GRIN3A: variants seen among roughly 807,000 people sequenced by gnomAD.
The protein encoded by GRIN3A is glutamate ionotropic receptor NMDA type subunit 3A, also known as glutamate receptor ionotropic, NMDA 3A.
GRIN3A carries 47 observed loss-of-function variants against 92.4 expected under a neutral mutation model. The ratio of observed to expected loss-of-function variants is 0.51; its 90% CI spans 0.40 to 0.65. GRIN3A has a LOEUF of 0.65. Among genes scored for constraint, GRIN3A ranks in the 30% least tolerant of loss-of-function variants. The probability of loss-of-function intolerance (pLI) is 0.00; values close to 1 mark genes in which losing one functional copy is unlikely to be tolerated. For synonymous variants in GRIN3A, 527 were observed against 540.6 expected (o/e 0.97, Z 0.35); for missense variants, 1,324 against 1,393.1 (o/e 0.95, Z 0.79).
chr9:101,635,895 G>T (rs971761517), intron 3 of GRIN3A, among the ~76,000 whole-genome samples: 2 of 152,106 alleles, frequency 1.3e-5, no homozygotes, highest in African/African-American at 4.8e-5. Flanking sequence ...TTATTTGTTT[G>T]TTTATTTATT....
chr9:101,716,609 T>G (rs1467464184), intron 1 of GRIN3A, among the ~76,000 whole-genome samples: 1 of 152,226 alleles, frequency 6.6e-6, no homozygotes, highest in Non-Finnish European at 1.5e-5. Context: ...ATATACTTAT[T>G]CTAGCTCTTT....
At chr9:101,595,142 G>C (rs764713150) in intron 6 of GRIN3A, 37 of 587,848 alleles carry the variant, frequency 6.3e-5, no homozygotes, top group Non-Finnish European at 9.3e-5. Context: ...GGGGGCGGAA[G>C]GGGAGGTGGG....
At chr9:101,615,479 C>T (rs929275937) in intron 5 of GRIN3A, among the ~76,000 whole-genome samples, 2 of 150,154 alleles carry the variant, frequency 1.3e-5, no homozygotes, top group African/African-American at 4.9e-5. Flanking sequence ...GCCTCAGCCT[C>T]TTGAGTGGCT....
At chr9:101,617,981 C>A (rs945842956) in intron 5 of GRIN3A, among the ~76,000 whole-genome samples, 32 of 151,854 alleles carry the variant, frequency 2.1e-4, no homozygotes, top group Non-Finnish European at 4.3e-4. Flanking sequence ...ATGAACTCAT[C>A]ATTTTTTATG....
At chr9:101,692,653 A>G (rs898837352) in intron 1 of GRIN3A, among the ~76,000 whole-genome samples, 1 of 152,174 alleles carries the variant, frequency 6.6e-6, no homozygotes, top group Non-Finnish European at 1.5e-5. Flanking sequence ...CCTTCCTTTC[A>G]TCCGTCTGCT....
intron 2 of GRIN3A, among the ~76,000 whole-genome samples, chr9:101,683,474 A>G (rs1418675167): frequency 6.6e-6 from 1 of 152,228 alleles, no homozygotes; most frequent in Non-Finnish European, 1.5e-5. Flanking sequence ...AACAAAATAA[A>G]TAAGGATGAT....
intron 1 of GRIN3A, among the ~76,000 whole-genome samples, chr9:101,711,412 G>A (rs980943054): frequency 5.9e-5 from 9 of 152,166 alleles, no homozygotes; most frequent in Admixed American, 3.9e-4. Context: ...GAAAACTTAT[G>A]AATTGTTTAT....
chr9:101,589,611 C>T (rs1310058518), intron 6 of GRIN3A, among the ~76,000 whole-genome samples: 1 of 152,104 alleles, frequency 6.6e-6, no homozygotes, highest in Non-Finnish European at 1.5e-5. Flanking sequence ...ATATCAGACA[C>T]AATGAAGCTT....
intron 6 of GRIN3A, among the ~76,000 whole-genome samples, chr9:101,596,287 G>A (rs976074985): frequency 6.6e-6 from 1 of 152,136 alleles, no homozygotes; most frequent in Non-Finnish European, 1.5e-5. Flanking sequence ...ATGTTTTAAA[G>A]CTGATTATGG....
chr9:101,705,504 C>T (rs1161517580), intron 1 of GRIN3A, among the ~76,000 whole-genome samples: 1 of 152,114 alleles, frequency 6.6e-6, no homozygotes, highest in African/African-American at 2.4e-5. Flanking sequence ...CTGATTGGTC[C>T]AGGATGCCGG....
Position 101,737,554 on chromosome 9 carries a change from T to C in GRIN3A, c.426A>G (p.Leu142=). 6.2e-7 allele frequency: 1 copy of C among 1,614,162 alleles called. No homozygotes were observed. Among genetic ancestry groups the C allele is most frequent in the Non-Finnish European group, 8.5e-7 (1 of 1,180,016 alleles). Reference sequence around the variant, plus strand: ...CTACTTCCAAAGACAGGTTGTAGGGTAGCAGCCCTTCCACGCGGTTCAGGT... The same window carrying C: ...CTACTTCCAAAGACAGGTTGTAGGGCAGCAGCCCTTCCACGCGGTTCAGGT... ...VDNLNRVEGL[L]PYNLSLEVVM... The change falls in exon 1 of 9, where the codon CTA becomes CTG. Residue 142 remains leucine (L), a synonymous_variant. Coordinates refer to ENST00000361820, the MANE Select transcript of GRIN3A (RefSeq NM_133445.3).
rs2118813951 is a variant in GRIN3A, at chr9:101,594,420, G to A, written c.2767-15060C>T. 1 of 1,606,940 alleles carries A rather than the reference G, an allele frequency of 6.2e-7. No homozygotes were observed. The highest frequency in any genetic ancestry group is 1.1e-5 in the South Asian group (1 of 90,530). On this transcript the variant is annotated intron_variant, in intron 6 of 8. Coordinates refer to ENST00000361820, the MANE Select transcript of GRIN3A (RefSeq NM_133445.3). ...TGTAAGAAAAAGGCTCATACGATGA[G>A]GACCAGCTTCTTGTGGATCTCCAGG...
At chr9:101,658,845 C>G (rs919897560) in intron 3 of GRIN3A, among the ~76,000 whole-genome samples, 1 of 151,588 alleles carries the variant, frequency 6.6e-6, no homozygotes, top group Non-Finnish European at 1.5e-5. Context: ...AAATTGAGTC[C>G]TAGCTGGCCA....
chr9:101,685,876 G>T, intron 2 of GRIN3A, among the ~76,000 whole-genome samples: 1 of 151,654 alleles, frequency 6.6e-6, no homozygotes, highest in East Asian at 1.9e-4. Flanking sequence ...TGGGTAATAG[G>T]ATCTACTCTT....
intron 6 of GRIN3A, among the ~76,000 whole-genome samples, chr9:101,611,045 C>T (rs374643256): frequency 1.3e-5 from 2 of 151,470 alleles, no homozygotes; most frequent in East Asian, 2.0e-4. Flanking sequence ...TTGCAGTGAG[C>T]CTAGATCATG....
At chr9:101,594,797 T>C in intron 6 of GRIN3A, 1 of 1,613,168 alleles carries the variant, frequency 6.2e-7, no homozygotes, top group Non-Finnish European at 8.5e-7. Flanking sequence ...GGACATGAAC[T>C]CCTCCACGCT....
At chr9:101,673,599 C>G (rs569721172) in intron 2 of GRIN3A, among the ~76,000 whole-genome samples, 52 of 152,238 alleles carry the variant, frequency 3.4e-4, no homozygotes, top group African/African-American at 1.2e-3. Context: ...CAATGCATAG[C>G]AAAATATAAA....
In GRIN3A at chr9:101,573,249, C is replaced by T. The variant is rs765285939; in HGVS notation, c.3273G>A (p.Gln1091=). ...TCCTGCTCACAGCCAGCTGCAGCTCCTGACGGATCACCTGAATCTGCTTCT... is the reference window on the plus strand; with the variant it reads ...TCCTGCTCACAGCCAGCTGCAGCTCTTGACGGATCACCTGAATCTGCTTCT... ...ELEKQIQVIR[Q]ELQLAVSRKT... Residue 1091 remains glutamine (Q), a synonymous_variant, in exon 9 of 9, where the codon CAG becomes CAA. Coordinates refer to ENST00000361820, the MANE Select transcript of GRIN3A (RefSeq NM_133445.3). The T allele has an allele frequency of 1.2e-6, 2 of 1,614,032 alleles. No individual in the cohort carries two copies. The highest frequency in any genetic ancestry group is 1.3e-5 in the African/African-American group (1 of 74,936).
At chr9:101,619,361 G>T (rs934875418) in intron 5 of GRIN3A, among the ~76,000 whole-genome samples, 1 of 152,168 alleles carries the variant, frequency 6.6e-6, no homozygotes, top group African/African-American at 2.4e-5. Flanking sequence ...AGTGGGGAGA[G>T]AAATGTGTGG....
Sources: allele counts gnomAD v4.1 joint callset (sites outside exome capture counted in the v4.1 genomes callset), GRCh38; gene constraint gnomAD v4.1.1; transcripts MANE v1.5; gene names NCBI Gene and HGNC (gene_info 2026-07-23, HGNC 2026-07-21).